The following PPHLN1 variants were observed in gnomAD, a reference collection of about 807,000 sequenced individuals.
The protein encoded by PPHLN1 is periphilin 1.
Under a neutral mutation model 51.3 loss-of-function variants are expected in PPHLN1, and 29 were observed. The observed-to-expected ratio is 0.57, with a 90% CI of 0.42 to 0.77. The LOEUF (loss-of-function observed/expected upper bound fraction) is 0.77. Among genes scored for constraint, PPHLN1 ranks in the 30% least tolerant of loss-of-function variants. The probability of loss-of-function intolerance (pLI) is 0.00; values close to 1 mark genes in which losing one functional copy is unlikely to be tolerated. For synonymous variants in PPHLN1, 147 were observed against 147.8 expected, an observed-to-expected ratio of 0.99 and a Z score of 0.04; for missense variants, 436 against 438.4, an observed-to-expected ratio of 0.99 and a Z score of 0.05.
At chr12:42,446,689 C>T (rs1049030046), downstream of PPHLN1, 8 of 1,556,552 alleles carry the variant, frequency 5.1e-6, 1 homozygote, top group Admixed American at 1.2e-4. Flanking sequence ...ATGCAAAAAA[C>T]AGAAAAGGGG....
chr12:42,377,248 G>C (rs1338302213), intron 5 of PPHLN1, among the ~76,000 whole-genome samples: 1 of 150,724 alleles, frequency 6.6e-6, no homozygotes, highest in Non-Finnish European at 1.5e-5. Context: ...CACATGCACA[G>C]ACATATCCAA....
intron 8 of PPHLN1, among the ~76,000 whole-genome samples, chr12:42,397,277 T>A (rs2078324963): frequency 6.6e-6 from 1 of 152,220 alleles, no homozygotes; most frequent in Admixed American, 6.5e-5. Flanking sequence ...TCCACTTTTC[T>A]ACCTACTATA....
chr12:42,328,564 G>A (rs1187212430), intron 1 of PPHLN1, among the ~76,000 whole-genome samples: 4 of 152,152 alleles, frequency 2.6e-5, no homozygotes, highest in African/African-American at 9.7e-5. Flanking sequence ...GTTTACTTGT[G>A]TAATTTCAGT....
chr12:42,369,967 C>T (rs2075645400), intron 4 of PPHLN1, among the ~76,000 whole-genome samples: 1 of 152,202 alleles, frequency 6.6e-6, no homozygotes. Context: ...CCATGTTTAA[C>T]TCTAGTTGTT....
chr12:42,361,311 A>G (rs1207172953), intron 4 of PPHLN1: 3 of 152,230 alleles, frequency 2.0e-5, no homozygotes, highest in South Asian at 4.1e-4. Flanking sequence ...CAGCTCCAGA[A>G]CTATGAGAAA....
chr12:42,368,927 T>G lies in PPHLN1; in HGVS notation c.300-5936T>G, dbSNP rs1354323248. 2.0e-5 allele frequency among the ~76,000 whole-genome samples: 3 copies of G among 152,354 alleles called. No homozygotes were observed. The South Asian group carries it at 6.2e-4, about 32-fold the overall frequency. On this transcript the variant is annotated intron_variant, in intron 4 of 9. Transcript: ENST00000358314. ...AATATGAAGCTGTAGGTAGCCTCTTTCTTCTTTAATAAATTGTGCTTGAAA... is the reference window on the plus strand; with the variant it reads ...AATATGAAGCTGTAGGTAGCCTCTTGCTTCTTTAATAAATTGTGCTTGAAA...
At chr12:42,347,761 CAG>C (rs2072584237) in intron 2 of PPHLN1, among the ~76,000 whole-genome samples, 1 of 152,194 alleles carries the variant, frequency 6.6e-6, no homozygotes, top group South Asian at 2.1e-4. Flanking sequence ...GCCTGTGCCG[CAG>C]AGTGAGACTC....
At chr12:42,409,218 G>GT (rs1005491430) in intron 9 of PPHLN1, among the ~76,000 whole-genome samples, 5 of 152,058 alleles carry the variant, frequency 3.3e-5, no homozygotes, top group Non-Finnish European at 5.9e-5. Flanking sequence ...TATAGTCTTT[G>GT]TGAGTGGATT....
chr12:42,332,695 G>A (rs751711290), intron 1 of PPHLN1: 10 of 1,541,848 alleles, frequency 6.5e-6, no homozygotes, highest in Non-Finnish European at 8.9e-6. Flanking sequence ...ATTCCTAAAA[G>A]GACTCAAGTA....
chr12:42,387,239 T>C (rs2083727717), intron 6 of PPHLN1: 3 of 396,784 alleles, frequency 7.6e-6, no homozygotes, highest in Non-Finnish European at 8.7e-6. Flanking sequence ...TAGACTGGCT[T>C]CTATGATATC....
intron 2 of PPHLN1, among the ~76,000 whole-genome samples, chr12:42,345,108 G>C (rs1311696432): frequency 2.6e-5 from 4 of 152,058 alleles, no homozygotes; most frequent in Non-Finnish European, 5.9e-5. Context: ...GTAACCGATA[G>C]GTATATTGGA....
chr12:42,382,179 A>G (rs2076810170), intron 5 of PPHLN1, among the ~76,000 whole-genome samples: 1 of 152,234 alleles, frequency 6.6e-6, no homozygotes, highest in Non-Finnish European at 1.5e-5. Context: ...ATTGCATTCA[A>G]GGAGTCACCA....
intron 9 of PPHLN1, among the ~76,000 whole-genome samples, chr12:42,425,085 C>T (rs986726528): frequency 2.0e-5 from 2 of 100,268 alleles, no homozygotes; most frequent in African/African-American, 4.1e-5. Context: ...TATGTATGTA[C>T]TTGTTTATTT....
At chr12:42,348,539 T>G (rs1232013130) in intron 2 of PPHLN1, among the ~76,000 whole-genome samples, 1 of 152,172 alleles carries the variant, frequency 6.6e-6, no homozygotes, top group African/African-American at 2.4e-5. Flanking sequence ...CAAATACATT[T>G]TACAATCCCC....
chr12:42,329,384 C>T (rs955876598), intron 1 of PPHLN1, among the ~76,000 whole-genome samples: 6 of 152,218 alleles, frequency 3.9e-5, no homozygotes, highest in African/African-American at 1.4e-4. Context: ...GGATTACAAG[C>T]GTGAGCCACC....
intron 2 of PPHLN1, among the ~76,000 whole-genome samples, chr12:42,340,889 G>T (rs2071380210): frequency 6.6e-6 from 1 of 151,672 alleles, no homozygotes; most frequent in African/African-American, 2.4e-5. Context: ...AATAGAGGAA[G>T]GTAACATTCT....
intron 5 of PPHLN1, among the ~76,000 whole-genome samples, chr12:42,379,711 C>T (rs1487275526): frequency 1.3e-5 from 2 of 151,536 alleles, no homozygotes; most frequent in African/African-American, 4.8e-5. Flanking sequence ...GTAGTTAATG[C>T]ATTGAAAAAA....
At chr12:42,376,019 A>C (rs934581908) in intron 5 of PPHLN1, among the ~76,000 whole-genome samples, 1 of 152,224 alleles carries the variant, frequency 6.6e-6, no homozygotes. Flanking sequence ...TGATACAATA[A>C]TTGATATGTC....
At chr12:42,369,091 G>A (rs1444213605) in intron 4 of PPHLN1, among the ~76,000 whole-genome samples, 2 of 152,164 alleles carry the variant, frequency 1.3e-5, no homozygotes, top group Non-Finnish European at 1.5e-5. Flanking sequence ...GTTATCCGTG[G>A]CTGCTGTTGT....
Sources: allele counts gnomAD v4.1 joint callset (sites outside exome capture counted in the v4.1 genomes callset), GRCh38; gene constraint gnomAD v4.1.1; transcripts MANE v1.5; gene names NCBI Gene and HGNC (gene_info 2026-07-23, HGNC 2026-07-21).